Variants in NRXN1 observed in about 807,000 individuals in gnomAD.
The protein encoded by NRXN1 is neurexin-1.
NRXN1 carries 39 observed loss-of-function variants against 150.9 expected under a neutral mutation model. The observed-to-expected ratio is 0.26, with a 90% confidence interval of 0.20 to 0.34. The LOEUF (loss-of-function observed/expected upper bound fraction) is 0.34, where lower values mean the gene tolerates loss of function less well. Among genes scored for constraint, NRXN1 ranks in the 10% least tolerant of loss-of-function variants. The pLI is 1.00. For missense variants in NRXN1, 1,815 were observed against 1,949.9 expected (o/e 0.93, Z 1.30); for synonymous variants, 924 against 757.0 (o/e 1.22, Z -3.62).
chr2:50,829,121 C>G (rs140160495), intron 5 of NRXN1, among the ~76,000 whole-genome samples: 3 of 151,756 alleles, frequency 2.0e-5, no homozygotes, highest in East Asian at 1.9e-4. Flanking sequence ...CGCAGGCACT[C>G]GGCAGGCTGA....
chr2:50,728,225 A>C (rs948768691), intron 5 of NRXN1, among the ~76,000 whole-genome samples: 2 of 152,158 alleles, frequency 1.3e-5, no homozygotes, highest in Admixed American at 6.5e-5. Flanking sequence ...GCTACTAAAA[A>C]AGAGCCTGAA....
chr2:49,997,764 C>T (rs1479733771), intron 21 of NRXN1, among the ~76,000 whole-genome samples: 2 of 152,072 alleles, frequency 1.3e-5, no homozygotes, highest in Non-Finnish European at 2.9e-5. Flanking sequence ...CATACATGGC[C>T]TATCTTACAG....
At chr2:50,930,515 C>A (rs1404481969) in intron 2 of NRXN1, among the ~76,000 whole-genome samples, 1 of 152,048 alleles carries the variant, frequency 6.6e-6, no homozygotes, top group Admixed American at 6.6e-5. Context: ...TAATATAAAT[C>A]GAATGACTCA....
chr2:50,895,556 T>G (rs929906387), intron 5 of NRXN1, among the ~76,000 whole-genome samples: 15 of 149,068 alleles, frequency 1.0e-4, no homozygotes, highest in East Asian at 4.0e-4. Context: ...AGCTATTTTG[T>G]TTTTTTTGGT....
At chr2:50,147,195 T>G (rs987443317) in intron 18 of NRXN1, among the ~76,000 whole-genome samples, 1 of 151,714 alleles carries the variant, frequency 6.6e-6, no homozygotes, top group Admixed American at 6.6e-5. Flanking sequence ...TTTGTTACTA[T>G]TACAATAATT....
intron 2 of NRXN1, among the ~76,000 whole-genome samples, chr2:50,980,714 C>A (rs763471305): frequency 6.6e-6 from 1 of 151,974 alleles, no homozygotes; most frequent in African/African-American, 2.4e-5. Context: ...TGTTAAAATG[C>A]CACAACGCTA....
intron 4 of NRXN1, 122 bp downstream of exon 4, chr2:50,922,535 AT>A: frequency 1.1e-6 from 1 of 886,086 alleles, no homozygotes; most frequent in South Asian, 1.4e-5. Context: ...AACAAAAGAT[AT>A]GTATTTAATT....
At chr2:50,286,301 C>A (rs1427660824) in intron 17 of NRXN1, among the ~76,000 whole-genome samples, 1 of 152,116 alleles carries the variant, frequency 6.6e-6, no homozygotes, top group African/African-American at 2.4e-5. Flanking sequence ...CCACCTCACT[C>A]CTACCCCCTA....
intron 5 of NRXN1, among the ~76,000 whole-genome samples, chr2:50,686,140 A>C (rs762643151): frequency 2.6e-5 from 4 of 152,148 alleles, no homozygotes; most frequent in Non-Finnish European, 5.9e-5. Flanking sequence ...CTAGCAAAAA[A>C]CAAACAAAGA....
At chr2:50,108,309 G>A (rs1701942931) in intron 18 of NRXN1, among the ~76,000 whole-genome samples, 1 of 151,994 alleles carries the variant, frequency 6.6e-6, no homozygotes, top group East Asian at 1.9e-4. Context: ...AAAGATGGCT[G>A]CTGCATATAT....
chr2:50,954,017 T>C (rs986502994), intron 2 of NRXN1, among the ~76,000 whole-genome samples: 1 of 152,166 alleles, frequency 6.6e-6, no homozygotes, highest in Non-Finnish European at 1.5e-5. Context: ...AGGAACTCCT[T>C]AGCCCCCACC....
chr2:50,861,415 T>A (rs1559363307), intron 5 of NRXN1, among the ~76,000 whole-genome samples: 1 of 152,068 alleles, frequency 6.6e-6, no homozygotes, highest in East Asian at 1.9e-4. Flanking sequence ...ATTTTCTGAA[T>A]GATGAAGGTG....
At chr2:50,269,401 A>G (rs912592187) in intron 17 of NRXN1, among the ~76,000 whole-genome samples, 4 of 152,198 alleles carry the variant, frequency 2.6e-5, no homozygotes, top group Non-Finnish European at 5.9e-5. Flanking sequence ...TATGCACTGT[A>G]TTTCCCAACT....
chr2:51,027,438 C>T (rs1050217120), intron 2 of NRXN1, 64 bp downstream of exon 2: 14 of 1,451,104 alleles, frequency 9.6e-6, no homozygotes, highest in Middle Eastern at 2.5e-4. Context: ...TGCACCAGCC[C>T]GGTCCCCTCC....
chr2:50,715,833 T>C (rs1313417650), intron 5 of NRXN1, among the ~76,000 whole-genome samples: 2 of 152,230 alleles, frequency 1.3e-5, no homozygotes, highest in East Asian at 1.9e-4. Flanking sequence ...TCTCCATATA[T>C]TGATCTCTTT....
At chr2:50,712,273 T>C (rs765104139) in intron 5 of NRXN1, among the ~76,000 whole-genome samples, 4 of 152,156 alleles carry the variant, frequency 2.6e-5, no homozygotes, top group Non-Finnish European at 5.9e-5. Flanking sequence ...AGTCTTCCCT[T>C]TCCTTTCCAA....
rs1056585244 is a variant in NRXN1, at chr2:50,242,679, T to C, written c.3365-5709A>G. 2.6e-5 allele frequency among the ~76,000 whole-genome samples: 4 copies of C among 151,714 alleles called. No homozygotes were observed. The Admixed American group carries it at 2.6e-4, about 10-fold the overall frequency. ...GAGAAGTAAGGCACAGCCCTCAATG[T>C]TACATATGCATGTAAGGGTGCAAAG... On this transcript the variant is annotated intron_variant, in intron 17 of 22. Transcript: ENST00000401669.
intron 18 of NRXN1, chr2:50,175,138 A>G (rs1167780261): frequency 6.6e-6 from 1 of 152,098 alleles, no homozygotes; most frequent in Non-Finnish European, 1.5e-5. Flanking sequence ...TGCCCTTTCC[A>G]CTTCACTCCT....
rs547247382 is a variant in NRXN1, at chr2:50,302,987, T to C, written c.3365-66017A>G. ...CATCCATCAACGCATACATAGATAC[T>C]TTATCTTTTAAGAGTCAAAAAAAAG... is the stretch of plus-strand genomic sequence containing the variant. On this transcript the variant is annotated intron_variant, in intron 17 of 22. Transcript: ENST00000401669. 3.3e-5 allele frequency among the ~76,000 whole-genome samples: 5 copies of C among 152,266 alleles called. No individual in the cohort carries two copies. In the South Asian group the frequency reaches 1.0e-3, roughly 32 times the overall value.
Sources: gnomAD v4.1 joint callset for allele counts (sites outside exome capture counted in the v4.1 genomes callset) on GRCh38, gnomAD v4.1.1 for gene constraint, MANE v1.5 for transcripts, NCBI Gene and HGNC (gene_info 2026-07-23, HGNC 2026-07-21) for gene names.